SAMD3: variants seen among roughly 807,000 people sequenced by gnomAD.
The protein encoded by SAMD3 is sterile alpha motif domain containing 3.
A neutral mutation model predicts 58.5 loss-of-function variants in SAMD3; 63 were observed. The observed-to-expected ratio is 1.08, with a 90% CI of 0.88 to 1.33. SAMD3 has a LOEUF of 1.33. Ranked by LOEUF, SAMD3 falls within the 40% of genes most tolerant of loss-of-function variation. The pLI is 0.00. For missense variants in SAMD3, 604 were observed against 608.4 expected (o/e 0.99, Z 0.08); for synonymous variants, 220 against 210.3 (o/e 1.05, Z -0.40).
At chr6:130,220,247 G>C (rs900110282) in intron 1 of SAMD3, among the ~76,000 whole-genome samples, 1 of 152,168 alleles carries the variant, frequency 6.6e-6, no homozygotes, top group Non-Finnish European at 1.5e-5. Context: ...TGATCCACCT[G>C]CCTCGGCCCC....
At chr6:130,203,132 A>C (rs1440196465) in intron 5 of SAMD3, among the ~76,000 whole-genome samples, 1 of 152,140 alleles carries the variant, frequency 6.6e-6, no homozygotes. Context: ...GCCTACCTGC[A>C]CTTCCTAGAG....
chr6:130,240,543 A>T (rs2114893318), intron 2 of SAMD3, among the ~76,000 whole-genome samples: 2 of 152,356 alleles, frequency 1.3e-5, no homozygotes, highest in South Asian at 4.1e-4. Context: ...ACAACATGTC[A>T]TAGTGAATGC....
chr6:130,302,512 A>G (rs957405843), intron 2 of SAMD3, among the ~76,000 whole-genome samples: 3 of 152,268 alleles, frequency 2.0e-5, no homozygotes, highest in Admixed American at 1.3e-4. Flanking sequence ...TATGGAAAAC[A>G]GTATTGAGAT....
Position 130,294,987 on chromosome 6 carries a change from G to A in SAMD3, c.-188+17991C>T, listed in dbSNP as rs577294892. Among the ~76,000 whole-genome samples, 29 of 127,376 alleles carry A rather than the reference G, an allele frequency of 2.3e-4. No homozygotes were observed. The South Asian group carries it at 6.9e-3, about 30-fold the overall frequency. 83.6% of individuals were successfully genotyped at this position (127,376 alleles called of 152,430 possible). A position where few individuals can be genotyped will look rare whatever the true frequency, so the allele number is the denominator to read the frequency against. On this transcript the variant is annotated intron_variant, in intron 2 of 13. Transcript: ENST00000368134. ...TGCCCGGGCTGGAGTGCAACGGCAC[G>A]ATCTCACCTTTCCGCAACCTCTGCC...
At chr6:130,324,080 A>G (rs1776676738) in intron 1 of SAMD3, among the ~76,000 whole-genome samples, 2 of 152,218 alleles carry the variant, frequency 1.3e-5, no homozygotes, top group African/African-American at 4.8e-5. Flanking sequence ...GATTCAAAAT[A>G]GAACACTTTA....
rs148587321 is a variant in SAMD3, at chr6:130,347,408, G to A, written c.-304+17712C>T. On this transcript the variant is annotated intron_variant, in intron 1 of 13. Transcript: ENST00000368134. ...GGACCTGATGGAGCTGAAAACAATG[G>A]CACGAGAACTATGTGATGAATGCAC... is the stretch of plus-strand genomic sequence containing the variant. 7.1e-3 allele frequency among the ~76,000 whole-genome samples: 1,083 copies of A among 152,298 alleles called. 12 individuals carry two copies. The highest frequency in any genetic ancestry group is 0.017 in the Middle Eastern group (5 of 294).
chr6:130,241,761 A>G (rs1773366165), intron 2 of SAMD3, among the ~76,000 whole-genome samples: 1 of 152,138 alleles, frequency 6.6e-6, no homozygotes, highest in Non-Finnish European at 1.5e-5. Flanking sequence ...CTGTCCCTGA[A>G]AAATGGGATG....
chr6:130,354,961 C>T (rs967078388), intron 1 of SAMD3, among the ~76,000 whole-genome samples: 3 of 152,150 alleles, frequency 2.0e-5, no homozygotes, highest in Admixed American at 1.3e-4. Context: ...AGCCACACTC[C>T]CCTTGGGAAA....
chr6:130,365,328 TC>T, exon 1 of SAMD3: 2 of 985,328 alleles, frequency 2.0e-6, no homozygotes, highest in South Asian at 4.7e-5. Context: ...GTCTTCCATT[TC>T]CCCCGCCCAT....
chr6:130,235,391 G>A (rs973152033), intron 2 of SAMD3, among the ~76,000 whole-genome samples: 1 of 152,116 alleles, frequency 6.6e-6, no homozygotes, highest in Non-Finnish European at 1.5e-5. Context: ...TCCCTACTGT[G>A]CTTGAGCATT....
chr6:130,208,566 A>G (rs1413685232), intron 5 of SAMD3, among the ~76,000 whole-genome samples: 1 of 152,068 alleles, frequency 6.6e-6, no homozygotes, highest in African/African-American at 2.4e-5. Context: ...CACAAACCCT[A>G]CTGTGAACTG....
rs183472567 is a variant in SAMD3, at chr6:130,151,068, G to A, written c.1023+3757C>T. ...TCGGCTCTCAGCCAAGGATCCCCAG[G>A]GGATCCGTGTGTAGACTTCGGCCCA... On this transcript the variant is annotated intron_variant, in intron 9 of 11. Coordinates refer to ENST00000439090, the MANE Select transcript of SAMD3 (RefSeq NM_001017373.4). Among the ~76,000 whole-genome samples the A allele has an allele frequency of 1.8e-4, 27 of 152,116 alleles. 1 individual carries two copies. The highest frequency in any genetic ancestry group is 6.5e-4 in the African/African-American group (27 of 41,522).
intron 2 of SAMD3, among the ~76,000 whole-genome samples, chr6:130,273,740 A>T (rs1037966660): frequency 5.9e-5 from 9 of 152,094 alleles, no homozygotes; most frequent in African/African-American, 2.2e-4. Flanking sequence ...AGCTGATAAC[A>T]ACTTAGAAGT....
At chr6:130,168,633 G>C (rs1487594895) in intron 8 of SAMD3, among the ~76,000 whole-genome samples, 2 of 152,072 alleles carry the variant, frequency 1.3e-5, no homozygotes, top group African/African-American at 4.8e-5. Context: ...TCTTGCCTTT[G>C]AGTGAATGGC....
chr6:130,261,535 G>A (rs1037742139), intron 2 of SAMD3, among the ~76,000 whole-genome samples: 5 of 152,184 alleles, frequency 3.3e-5, no homozygotes, highest in Admixed American at 1.3e-4. Context: ...TTGATTTGGT[G>A]TAAACTGCAA....
At chr6:130,256,948 G>GT (rs1773946527) in intron 2 of SAMD3, among the ~76,000 whole-genome samples, 1 of 152,168 alleles carries the variant, frequency 6.6e-6, no homozygotes, top group African/African-American at 2.4e-5. Context: ...TAGTTGCTGT[G>GT]TAAGTAACTC....
chr6:130,223,867 C>T (rs770362479), upstream of SAMD3, among the ~76,000 whole-genome samples: 6 of 152,162 alleles, frequency 3.9e-5, no homozygotes, highest in African/African-American at 9.7e-5. Context: ...CTTAGCCATC[C>T]GCAGGTGGCT....
chr6:130,181,685 T>C (rs1792342313), intron 7 of SAMD3, among the ~76,000 whole-genome samples: 1 of 152,202 alleles, frequency 6.6e-6, no homozygotes, highest in Non-Finnish European at 1.5e-5. Flanking sequence ...TATGCAAAGA[T>C]TCTCTAGAGG....
intron 7 of SAMD3, among the ~76,000 whole-genome samples, chr6:130,180,617 T>TCCC (rs1448814845): frequency 6.6e-6 from 1 of 152,156 alleles, no homozygotes; most frequent in Non-Finnish European, 1.5e-5. Flanking sequence ...CTCCCCTTGT[T>TCCC]TGGTTTTGTT....
Sources: allele counts gnomAD v4.1 joint callset (sites outside exome capture counted in the v4.1 genomes callset), GRCh38; gene constraint gnomAD v4.1.1; transcripts MANE v1.5; gene names NCBI Gene and HGNC (gene_info 2026-07-23, HGNC 2026-07-21).